Variants in PIP4P2 observed in about 807,000 individuals in gnomAD.
PIP4P2 encodes the protein type 2 phosphatidylinositol 4,5-bisphosphate 4-phosphatase.
In PIP4P2, 19 loss-of-function variants were observed where a neutral mutation model predicts 33.3. The observed-to-expected ratio is 0.57, with a 90% CI of 0.40 to 0.84. The LOEUF (loss-of-function observed/expected upper bound fraction) is 0.84, where lower values mean the gene tolerates loss of function less well. PIP4P2 is among the 40% of genes least tolerant of loss of function. The pLI, the probability that PIP4P2 is intolerant of heterozygous loss-of-function variation, is 0.00. For missense variants in PIP4P2, 270 were observed against 324.7 expected (o/e 0.83, Z 1.29); for synonymous variants, 110 against 111.9 (o/e 0.98, Z 0.11).
chr8:91,013,158 T>C (rs541415653), intron 4 of PIP4P2, among the ~76,000 whole-genome samples: 1 of 152,320 alleles, frequency 6.6e-6, no homozygotes, highest in African/African-American at 2.4e-5. Flanking sequence ...GAAAATTTCA[T>C]GAAAGCAGAG....
At chr8:91,019,420 AAAAAT>A (rs1325673554) in intron 3 of PIP4P2, among the ~76,000 whole-genome samples, 24,997 of 116,248 alleles carry the variant, frequency 0.22, 4,789 homozygotes, top group South Asian at 0.36. Flanking sequence ...AAAAAAAAAA[AAAAAT>A]ATATTACCTG....
chr8:91,005,761 T>C (rs1383274718), intron 5 of PIP4P2, among the ~76,000 whole-genome samples: 1 of 152,222 alleles, frequency 6.6e-6, no homozygotes, highest in Non-Finnish European at 1.5e-5. Context: ...AAAGAAATGA[T>C]ATTCAATGAT....
intron 1 of PIP4P2, among the ~76,000 whole-genome samples, chr8:91,026,251 A>G (rs976803728): frequency 1.1e-4 from 17 of 152,118 alleles, no homozygotes; most frequent in Non-Finnish European, 2.4e-4. Flanking sequence ...TTCTCTGAAC[A>G]TCACCCTAGG....
chr8:90,995,689 G>C lies in PIP4P2; in HGVS notation c.762C>G (p.His254Gln), dbSNP rs144703182. ...ATCATAAACAAGCTTATGCAAAACT[G>C]TGTTCTGGATAACTGACTCTTATGG... Reference protein sequence around the residue: ...WGAIRVSYPEHSFA With the variant: ...WGAIRVSYPEQSFA Residue 254 changes from histidine to glutamine, a missense_variant, in exon 7 of 7, where the codon CAC becomes CAG. Physicochemically the swap from His to Gln is conservative, Grantham distance 24. Coordinates refer to ENST00000285419, the MANE Select transcript of PIP4P2 (RefSeq NM_018710.3). 1.2e-6 allele frequency: 2 copies of C among 1,611,518 alleles called. No homozygotes were observed. Among genetic ancestry groups the C allele is most frequent in the Admixed American group, 3.4e-5 (2 of 59,534 alleles).
intron 4 of PIP4P2, among the ~76,000 whole-genome samples, chr8:91,014,317 A>T (rs1209952174): frequency 6.6e-6 from 1 of 152,210 alleles, no homozygotes; most frequent in East Asian, 1.9e-4. Flanking sequence ...AGCATTATTC[A>T]TAAAAACCAA....
chr8:91,027,431 A>T (rs1812098634), intron 1 of PIP4P2, among the ~76,000 whole-genome samples: 1 of 152,256 alleles, frequency 6.6e-6, no homozygotes, highest in African/African-American at 2.4e-5. Flanking sequence ...CATTCTTCTT[A>T]AAATCCACCA....
chr8:91,001,951 G>A (rs746261012), intron 5 of PIP4P2, among the ~76,000 whole-genome samples: 5 of 151,998 alleles, frequency 3.3e-5, no homozygotes, highest in Non-Finnish European at 5.9e-5. Context: ...TTCCTAGATC[G>A]CATAAGTGAT....
rs188253722 is a variant in PIP4P2 at position 91,027,676 on chromosome 8, T to C, written c.107-6272A>G. On this transcript the variant is annotated intron_variant, in intron 1 of 6. Coordinates refer to ENST00000285419, the MANE Select transcript of PIP4P2 (RefSeq NM_018710.3). ...AGCGAGATTTTCTGGATTCAATCTTTGTTTTAAAGCTAGAAGTAGCTTTAA... is the reference window on the plus strand; with the variant it reads ...AGCGAGATTTTCTGGATTCAATCTTCGTTTTAAAGCTAGAAGTAGCTTTAA... Among the ~76,000 whole-genome samples the C allele has an allele frequency of 1.1e-3, 163 of 152,318 alleles. 1 individual carries two copies. Among genetic ancestry groups the C allele is most frequent in the African/African-American group, 3.7e-3 (154 of 41,578 alleles).
At chr8:91,032,002 A>G (rs1812170357) in intron 1 of PIP4P2, among the ~76,000 whole-genome samples, 1 of 152,240 alleles carries the variant, frequency 6.6e-6, no homozygotes, top group Admixed American at 6.5e-5. Flanking sequence ...TAAAAGCCAA[A>G]GGAAACATAA....
At chr8:91,020,288 C>T (rs1288228628) in intron 2 of PIP4P2, 25 bp from the exon 3 acceptor site, 3 of 1,605,028 alleles carry the variant, frequency 1.9e-6, no homozygotes, top group Non-Finnish European at 1.7e-6. Flanking sequence ...AAAATGCAAA[C>T]ACAGCAATTA....
At chr8:91,016,881 T>C (rs73299981) in intron 4 of PIP4P2, 1 of 152,144 alleles carries the variant, frequency 6.6e-6, no homozygotes, top group Non-Finnish European at 1.5e-5. Flanking sequence ...GAATGAATGA[T>C]TTACACATAG....
At chr8:91,039,928 ACT>A (rs1812281695) in intron 1 of PIP4P2, among the ~76,000 whole-genome samples, 1 of 152,158 alleles carries the variant, frequency 6.6e-6, no homozygotes, top group Non-Finnish European at 1.5e-5. Flanking sequence ...AATTTGGGTT[ACT>A]TTTTACAAGT....
intron 4 of PIP4P2, among the ~76,000 whole-genome samples, chr8:91,015,001 T>C (rs1811894476): frequency 1.3e-5 from 2 of 152,014 alleles, no homozygotes; most frequent in Non-Finnish European, 2.9e-5. Context: ...CCCAATATAT[T>C]AAGAGAAGAA....
chr8:91,011,031 TAG>T (rs1403591912), intron 4 of PIP4P2, among the ~76,000 whole-genome samples: 29 of 140,696 alleles, frequency 2.1e-4, no homozygotes, highest in Non-Finnish European at 4.0e-4. Context: ...GATAGATAGA[TAG>T]ATAGATAGAT....
chr8:91,019,395 CAAAAAAAAAAAAAAAAA>C (rs71510466), intron 3 of PIP4P2, among the ~76,000 whole-genome samples: 2 of 19,698 alleles, frequency 1.0e-4, no homozygotes, highest in African/African-American at 4.8e-4. Flanking sequence ...CCTGTCTCTA[CAAAAAAAAAAAAAAAAA>C]AAAAAAAAAA....
intron 1 of PIP4P2, among the ~76,000 whole-genome samples, chr8:91,026,963 T>C (rs779000391): frequency 6.6e-6 from 1 of 152,216 alleles, no homozygotes; most frequent in Non-Finnish European, 1.5e-5. Context: ...TCCTTATGAA[T>C]GCATTGGGCC....
Position 90,994,536 on chromosome 8 carries a change from TTC to T in PIP4P2, c.*1139_*1140del, listed in dbSNP as rs1811603319. 1 of 152,546 alleles carries T rather than the reference TTC, an allele frequency of 6.6e-6. No individual in the cohort carries two copies. Among genetic ancestry groups the T allele is most frequent in the South Asian group, 2.1e-4 (1 of 4,834 alleles). 9.4% of individuals were successfully genotyped at this position (152,546 alleles called of 1,614,324 possible). On this transcript the variant is annotated 3_prime_UTR_variant, in exon 7 of 7. Coordinates refer to ENST00000285419, the MANE Select transcript of PIP4P2 (RefSeq NM_018710.3). ...TGTAGAACATTTGTGATTAAGCAATTTCTTTTTCAAAACTGCAAAGATGGGCA... is the reference window on the plus strand; with the variant it reads ...TGTAGAACATTTGTGATTAAGCAATTTTTTTCAAAACTGCAAAGATGGGCA...
At chr8:90,996,894 T>C in intron 5 of PIP4P2, 150 bp from the exon 6 acceptor site, 2 of 635,900 alleles carry the variant, frequency 3.1e-6, no homozygotes, top group South Asian at 4.4e-5. Flanking sequence ...GCATTAAACA[T>C]GTCATTTTTA....
chr8:91,015,273 T>C (rs1483193266), intron 4 of PIP4P2, among the ~76,000 whole-genome samples: 38 of 151,906 alleles, frequency 2.5e-4, no homozygotes, highest in South Asian at 2.1e-4. Context: ...TTGATACTAA[T>C]AGCTGACAGC....
Sources: allele counts gnomAD v4.1 joint callset (sites outside exome capture counted in the v4.1 genomes callset), GRCh38; gene constraint gnomAD v4.1.1; transcripts MANE v1.5; gene names NCBI Gene and HGNC (gene_info 2026-07-23, HGNC 2026-07-21).